Variants in EPS15 observed in about 807,000 individuals in gnomAD.
EPS15 encodes the protein epidermal growth factor receptor substrate 15.
EPS15 carries 72 observed loss-of-function variants against 113.8 expected under a neutral mutation model. The observed-to-expected ratio is 0.63, with a 90% CI of 0.52 to 0.77. The LOEUF (loss-of-function observed/expected upper bound fraction) is 0.77. EPS15 is among the 30% of genes least tolerant of loss of function. The pLI, the probability that EPS15 is intolerant of heterozygous loss-of-function variation, is 0.00. For missense variants in EPS15, 1,048 were observed against 1,045.8 expected (o/e 1.00, Z -0.03); for synonymous variants, 344 against 363.4 (o/e 0.95, Z 0.61).
chr1:51,446,283 T>C (rs1408224438), intron 10 of EPS15, among the ~76,000 whole-genome samples: 1 of 152,214 alleles, frequency 6.6e-6, no homozygotes, highest in African/African-American at 2.4e-5. Context: ...TGTGAAGGTA[T>C]GAAAGTATAC....
chr1:51,370,647 G>A (rs1478367987), intron 21 of EPS15, among the ~76,000 whole-genome samples: 1 of 150,484 alleles, frequency 6.6e-6, no homozygotes, highest in Non-Finnish European at 1.5e-5. Context: ...TAAAGACAGA[G>A]TCTCACTCTG....
chr1:51,406,854 A>G (rs930477482), intron 15 of EPS15, among the ~76,000 whole-genome samples: 1 of 152,204 alleles, frequency 6.6e-6, no homozygotes, highest in Non-Finnish European at 1.5e-5. Context: ...TATGCAGGGA[A>G]AAATCTTATT....
chr1:51,400,112 T>C (rs1395757555), intron 19 of EPS15, among the ~76,000 whole-genome samples: 2 of 152,202 alleles, frequency 1.3e-5, no homozygotes, highest in Non-Finnish European at 2.9e-5. Flanking sequence ...TAACAGCCAA[T>C]AGTTTAGAAC....
intron 24 of EPS15, among the ~76,000 whole-genome samples, chr1:51,358,528 G>GT (rs938301331): frequency 5.3e-5 from 8 of 152,154 alleles, no homozygotes; most frequent in East Asian, 1.9e-4. Flanking sequence ...TGAAATGGTA[G>GT]TTTTTTTCCC....
intron 11 of EPS15, among the ~76,000 whole-genome samples, chr1:51,444,294 A>G (rs1375229098): frequency 1.3e-5 from 2 of 152,246 alleles, no homozygotes; most frequent in Admixed American, 1.3e-4. Flanking sequence ...GACTAAAACA[A>G]TGAAGTTTTG....
At chr1:51,510,433 A>C (rs1570456869) in intron 1 of EPS15, among the ~76,000 whole-genome samples, 1 of 152,228 alleles carries the variant, frequency 6.6e-6, no homozygotes, top group African/African-American at 2.4e-5. Flanking sequence ...TACTTGTAGA[A>C]AGGCTATGAA....
intron 1 of EPS15, among the ~76,000 whole-genome samples, chr1:51,496,887 T>TGA (rs1644333276): frequency 6.6e-6 from 1 of 152,226 alleles, no homozygotes; most frequent in Admixed American, 6.5e-5. Flanking sequence ...CTATCTAATG[T>TGA]CTACTATGTG....
intron 21 of EPS15, among the ~76,000 whole-genome samples, chr1:51,387,388 A>C (rs1289417537): frequency 6.6e-6 from 1 of 152,202 alleles, no homozygotes; most frequent in Non-Finnish European, 1.5e-5. Context: ...AAGACCATCG[A>C]GACTAGGAAG....
chr1:51,367,539 C>A (rs979552368), intron 21 of EPS15, among the ~76,000 whole-genome samples: 7 of 152,084 alleles, frequency 4.6e-5, no homozygotes, highest in African/African-American at 1.4e-4. Context: ...GGCGACAGAG[C>A]GTGTCTGTCT....
intron 12 of EPS15, among the ~76,000 whole-genome samples, chr1:51,431,390 C>T (rs1651723447): frequency 6.6e-6 from 1 of 151,774 alleles, no homozygotes. Flanking sequence ...AAAGCACACC[C>T]CCTTAGTGGC....
chr1:51,434,532 C>G (rs1651984136), intron 12 of EPS15, among the ~76,000 whole-genome samples: 1 of 152,000 alleles, frequency 6.6e-6, no homozygotes, highest in Non-Finnish European at 1.5e-5. Context: ...AGAATGGTGG[C>G]TGCTATGAGG....
intron 21 of EPS15, chr1:51,373,156 G>C (rs994225699): frequency 6.2e-6 from 1 of 161,848 alleles, no homozygotes; most frequent in African/African-American, 2.4e-5. Context: ...GGATAGAAAA[G>C]ATGACAAAGA....
intron 21 of EPS15, among the ~76,000 whole-genome samples, chr1:51,376,461 C>T (rs1053621295): frequency 1.3e-5 from 2 of 152,100 alleles, no homozygotes; most frequent in African/African-American, 2.4e-5. Context: ...GTCAGGAGTT[C>T]GAGACCAGCC....
Position 51,493,220 on chromosome 1 carries a change from A to G in EPS15, c.34-11906T>C, listed in dbSNP as rs1644267855. 3.3e-5 allele frequency among the ~76,000 whole-genome samples: 5 copies of G among 151,936 alleles called. No individual in the cohort carries two copies. The South Asian group carries it at 8.3e-4, about 25-fold the overall frequency. Reference sequence around the variant, plus strand: ...ACTAAAAATACAAAAAATTAGCCAGACGTGGTGGTGGGCGCCTGTAGTCCC... The same window carrying G: ...ACTAAAAATACAAAAAATTAGCCAGGCGTGGTGGTGGGCGCCTGTAGTCCC... On this transcript the variant is annotated intron_variant, in intron 1 of 24. Transcript: ENST00000371733.
intron 13 of EPS15, among the ~76,000 whole-genome samples, chr1:51,410,543 C>T (rs1649611853): frequency 6.6e-6 from 1 of 152,100 alleles, no homozygotes; most frequent in Non-Finnish European, 1.5e-5. Context: ...GTTATTTATT[C>T]ATCCATGTAC....
intron 1 of EPS15, among the ~76,000 whole-genome samples, chr1:51,506,030 G>A (rs1433433591): frequency 1.3e-5 from 2 of 152,058 alleles, no homozygotes; most frequent in South Asian, 2.1e-4. Flanking sequence ...AGAATTACAG[G>A]TGCCTGCCAC....
At chr1:51,437,478 A>C (rs541958943) in intron 12 of EPS15, among the ~76,000 whole-genome samples, 34 of 151,064 alleles carry the variant, frequency 2.3e-4, no homozygotes, top group Non-Finnish European at 7.4e-5. Flanking sequence ...TGATCCCTGG[A>C]CTAAAAAAAA....
intron 12 of EPS15, among the ~76,000 whole-genome samples, chr1:51,428,415 G>T (rs1175969716): frequency 6.6e-6 from 1 of 152,110 alleles, no homozygotes; most frequent in Non-Finnish European, 1.5e-5. Flanking sequence ...AGAGACAAAT[G>T]CATAAAAAAG....
At chr1:51,394,705 TCAAGTG>T (rs1184255836) in intron 20 of EPS15, among the ~76,000 whole-genome samples, 1 of 152,234 alleles carries the variant, frequency 6.6e-6, no homozygotes, top group Non-Finnish European at 1.5e-5. Flanking sequence ...CAAGTAAGTA[TCAAGTG>T]AACACTTGTG....
Sources: gnomAD v4.1 joint callset for allele counts (sites outside exome capture counted in the v4.1 genomes callset) on GRCh38, gnomAD v4.1.1 for gene constraint, MANE v1.5 for transcripts, NCBI Gene and HGNC (gene_info 2026-07-23, HGNC 2026-07-21) for gene names.